Variants in DRGX observed in about 807,000 individuals in gnomAD.
The protein encoded by DRGX is dorsal root ganglia homeobox.
In DRGX, 21 loss-of-function variants were observed where a neutral mutation model predicts 28.6. That is an observed-to-expected ratio of 0.73 (90% CI 0.52 to 1.06). The LOEUF is 1.06. DRGX is among the 50% of genes least tolerant of loss of function. DRGX has a pLI of 0.00. For missense variants in DRGX, 354 were observed against 343.9 expected (o/e 1.03, Z -0.23); for synonymous variants, 136 against 139.1 (o/e 0.98, Z 0.16).
At chr10:49,372,356 C>T (rs1456974908) in intron 6 of DRGX, among the ~76,000 whole-genome samples, 1 of 152,120 alleles carries the variant, frequency 6.6e-6, no homozygotes, top group Non-Finnish European at 1.5e-5. Context: ...CTGTGTAGAG[C>T]AGAAGAAGGT....
At chr10:49,388,401 C>T (rs549061757) in intron 4 of DRGX, among the ~76,000 whole-genome samples, 3 of 152,376 alleles carry the variant, frequency 2.0e-5, no homozygotes, top group Admixed American at 1.3e-4. Flanking sequence ...GTCCTTGAGG[C>T]TGAGCCCTCT....
At chr10:49,381,391 A>C (rs1849774452) in intron 6 of DRGX, among the ~76,000 whole-genome samples, 1 of 151,546 alleles carries the variant, frequency 6.6e-6, no homozygotes, top group Non-Finnish European at 1.5e-5. Flanking sequence ...CAAACCTCCA[A>C]CCCTTGCCCG....
chr10:49,383,045 G>A (rs537619193), intron 6 of DRGX, among the ~76,000 whole-genome samples: 1 of 152,208 alleles, frequency 6.6e-6, no homozygotes, highest in African/African-American at 2.4e-5. Flanking sequence ...CCAAGGGCAA[G>A]GCAGGGCTGA....
intron 2 of DRGX, among the ~76,000 whole-genome samples, chr10:49,392,958 C>T (rs917505085): frequency 6.6e-6 from 1 of 152,126 alleles, no homozygotes; most frequent in Non-Finnish European, 1.5e-5. Context: ...GATGTGCAGG[C>T]TTATTCACCA....
At chr10:49,382,142 C>A (rs1849783084) in intron 6 of DRGX, among the ~76,000 whole-genome samples, 1 of 152,062 alleles carries the variant, frequency 6.6e-6, no homozygotes. Context: ...TCTCATTGTC[C>A]CCCAACCAGC....
intron 6 of DRGX, among the ~76,000 whole-genome samples, chr10:49,371,570 T>A (rs1849659783): frequency 6.6e-6 from 1 of 151,902 alleles, no homozygotes; most frequent in South Asian, 2.1e-4. Context: ...GGCAGGGGGA[T>A]CACCTGAGGT....
chr10:49,369,756 A>C (rs1199273467), intron 6 of DRGX, among the ~76,000 whole-genome samples: 1 of 151,590 alleles, frequency 6.6e-6, no homozygotes, highest in Non-Finnish European at 1.5e-5. Context: ...GTTTTACCAT[A>C]ATCAAAAAGA....
At chr10:49,387,006 G>A in intron 4 of DRGX, 148 bp from the exon 5 acceptor site, 1 of 910,620 alleles carries the variant, frequency 1.1e-6, no homozygotes, top group Non-Finnish European at 1.6e-6. Flanking sequence ...GCCCACAGAG[G>A]GGTCAGAAGA....
chr10:49,364,231 A>G lies in DRGX; in HGVS notation c.*1885T>C, dbSNP rs1332364791. On this transcript the variant is annotated 3_prime_UTR_variant, in exon 7 of 7. Transcript: ENST00000374139. ...AGTAACATCAGGCAGACTTTTCGAT[A>G]TGATCCAGTTTTGCACAGTCACTAG... 1 of 152,220 alleles carries G rather than the reference A, an allele frequency of 6.6e-6. No individual in the cohort carries two copies. Among genetic ancestry groups the G allele is most frequent in the Non-Finnish European group, 1.5e-5 (1 of 68,046 alleles). The allele number at this position is 152,220 out of a possible 1,614,324, so 9.4% of individuals were successfully genotyped here.
At position 49,387,999 on chromosome 10, in the gene DRGX, G is replaced by A. The variant is rs191952896; in HGVS notation, c.235-1141C>T. Among the ~76,000 whole-genome samples the A allele has an allele frequency of 1.8e-3, 278 of 152,220 alleles. 2 individuals are homozygous for A. The highest frequency in any genetic ancestry group is 3.2e-3 in the Non-Finnish European group (218 of 68,020). On this transcript the variant is annotated intron_variant, in intron 4 of 6. Transcript: ENST00000374139. ...AAGATTGGCATGTCTGCAAAACACC[G>A]AGCACAGGGCCTGATGCATAGCCAT...
In DRGX at chr10:49,364,668, A is replaced by C. The variant is rs1849579705; in HGVS notation, c.*1448T>G. ...AAAATACAGCAGGAAGAAGGATTTG[A>C]TTTTTTTCTTTAAAGGAGACAGTGG... On this transcript the variant is annotated 3_prime_UTR_variant, in exon 7 of 7. Coordinates refer to ENST00000374139, the MANE Select transcript of DRGX (RefSeq NM_001276451.2). The C allele has an allele frequency of 6.6e-6, 1 of 151,984 alleles. No homozygotes were observed. Among genetic ancestry groups the C allele is most frequent in the Non-Finnish European group, 1.5e-5 (1 of 68,004 alleles). 9.4% of individuals were successfully genotyped at this position (151,984 alleles called of 1,614,324 possible).
chr10:49,371,226 C>T (rs73309894), intron 6 of DRGX, among the ~76,000 whole-genome samples: 2,905 of 152,258 alleles, frequency 0.019, 101 homozygotes, highest in African/African-American at 0.067. Context: ...CTTCATGGAC[C>T]CTGAACACTG....
Position 49,386,464 on chromosome 10 carries a change from G to C in DRGX, c.526+14C>G. ...TGAGGCCACGCCCACCAGCCCAGCC[G>C]AACCCAAACTCACCTTTGAGGGAAG... is the stretch of plus-strand genomic sequence containing the variant. On this transcript the variant is annotated intron_variant, in intron 6 of 6. Transcript: ENST00000374139. 6.5e-7 allele frequency: 1 copy of C among 1,537,816 alleles called. No individual in the cohort carries two copies.
At chr10:49,390,732 AAC>A (rs1193853932) in intron 3 of DRGX, among the ~76,000 whole-genome samples, 1 of 152,188 alleles carries the variant, frequency 6.6e-6, no homozygotes, top group African/African-American at 2.4e-5. Flanking sequence ...AGCTCTGGGA[AAC>A]ACAGTATCAA....
intron 4 of DRGX, among the ~76,000 whole-genome samples, chr10:49,388,063 AC>A (rs2132484077): frequency 6.6e-6 from 1 of 152,168 alleles, no homozygotes; most frequent in East Asian, 1.9e-4. Context: ...CATCTCCGTC[AC>A]CCTCAGGTTA....
At chr10:49,378,845 G>A (rs1000486017) in intron 6 of DRGX, among the ~76,000 whole-genome samples, 1 of 152,128 alleles carries the variant, frequency 6.6e-6, no homozygotes, top group African/African-American at 2.4e-5. Flanking sequence ...CATACTGTAA[G>A]ACTCCATGTA....
Position 49,366,280 on chromosome 10 carries a change from G to A in DRGX, c.628C>T (p.Arg210Cys), listed in dbSNP as rs375388153. The A allele has an allele frequency of 1.3e-5, 21 of 1,613,808 alleles. No homozygotes were observed. Among genetic ancestry groups the A allele is most frequent in the South Asian group, 2.2e-5 (2 of 91,088 alleles). ...SNRTASVATL[R>C]MKAREHSEAV... ...TCTGAGTGCTCGCGGGCCTTCATGC[G>A]CAGGGTGGCCACGCTGGCCGTGCGG... Residue 210 changes from arginine to cysteine, a missense_variant, in exon 7 of 7, where the codon CGC (arginine) becomes TGC (cysteine). By Grantham distance (180) the Arg-to-Cys change is radical (BLOSUM62 -3). Transcript: ENST00000374139.
intron 6 of DRGX, among the ~76,000 whole-genome samples, chr10:49,384,335 C>A (rs1464786501): frequency 6.6e-6 from 1 of 152,222 alleles, no homozygotes; most frequent in African/African-American, 2.4e-5. Context: ...CCCGCCATGC[C>A]CCTGACTAGT....
chr10:49,377,839 T>G (rs1018644584), intron 6 of DRGX, among the ~76,000 whole-genome samples: 4 of 152,224 alleles, frequency 2.6e-5, no homozygotes, highest in African/African-American at 9.6e-5. Context: ...CAGTTGCTAT[T>G]TTATAATACT....
Sources: gnomAD v4.1 joint callset for allele counts (sites outside exome capture counted in the v4.1 genomes callset) on GRCh38, gnomAD v4.1.1 for gene constraint, MANE v1.5 for transcripts, NCBI Gene and HGNC (gene_info 2026-07-23, HGNC 2026-07-21) for gene names.